Variants in ASAP1 observed in about 807,000 individuals in gnomAD.
ASAP1 encodes arf-GAP with SH3 domain, ANK repeat and PH domain-containing protein 1.
A neutral mutation model predicts 145.2 loss-of-function variants in ASAP1; 43 were observed. The observed-to-expected ratio is 0.30, with a 90% CI of 0.23 to 0.38. The LOEUF is 0.38. Among genes scored for constraint, ASAP1 ranks in the 10% least tolerant of loss-of-function variants. The pLI is 1.00. For missense variants in ASAP1, 1,018 were observed against 1,355.3 expected, an observed-to-expected ratio of 0.75 and a Z score of 3.91; for synonymous variants, 546 against 515.5, an observed-to-expected ratio of 1.06 and a Z score of -0.80.
intron 3 of ASAP1, among the ~76,000 whole-genome samples, chr8:130,263,569 T>G (rs945601660): frequency 1.3e-5 from 2 of 152,170 alleles, no homozygotes; most frequent in Non-Finnish European, 2.9e-5. Flanking sequence ...TTTGAGTAAG[T>G]TTAAATGAGC....
At position 130,063,426 on chromosome 8, in the gene ASAP1, C is replaced by T. The variant is rs564887438; in HGVS notation, c.2702-2357G>A. On this transcript the variant is annotated intron_variant, in intron 27 of 29. Coordinates refer to ENST00000518721, the MANE Select transcript of ASAP1 (RefSeq NM_018482.4). ...TAGACCCTGTTCCACATCCTCTCTC[C>T]GCACTCCTGGCTTTGGTGTGACAAT... is the stretch of plus-strand genomic sequence containing the variant. Among the ~76,000 whole-genome samples, 190 of 152,308 alleles carry T rather than the reference C, an allele frequency of 1.2e-3. 1 individual carries two copies. The highest frequency in any genetic ancestry group is 3.4e-3 in the Middle Eastern group (1 of 294).
chr8:130,282,641 T>A (rs771912467), intron 3 of ASAP1, among the ~76,000 whole-genome samples: 4 of 152,170 alleles, frequency 2.6e-5, no homozygotes, highest in Non-Finnish European at 4.4e-5. Context: ...AGCCACAATA[T>A]CAAAACCAAT....
At chr8:130,300,058 C>T (rs1290515140) in intron 3 of ASAP1, among the ~76,000 whole-genome samples, 3 of 146,826 alleles carry the variant, frequency 2.0e-5, no homozygotes, top group Non-Finnish European at 3.0e-5. Context: ...AGACGAAAAA[C>T]AAACAAGCTA....
chr8:130,145,148 TAG>T (rs1328156920), intron 13 of ASAP1, among the ~76,000 whole-genome samples: 4 of 152,204 alleles, frequency 2.6e-5, no homozygotes, highest in Admixed American at 6.5e-5. Flanking sequence ...TGATAGTATA[TAG>T]AGTTTGGGCC....
At chr8:130,279,084 T>A (rs1006041202) in intron 3 of ASAP1, among the ~76,000 whole-genome samples, 6 of 152,158 alleles carry the variant, frequency 3.9e-5, no homozygotes, top group Admixed American at 2.6e-4. Flanking sequence ...GAACAAATCC[T>A]GGTCCCTCTG....
intron 3 of ASAP1, among the ~76,000 whole-genome samples, chr8:130,322,798 G>A (rs1244303921): frequency 6.6e-6 from 1 of 152,158 alleles, no homozygotes; most frequent in Non-Finnish European, 1.5e-5. Context: ...ACTAACAAAG[G>A]GCAGAATGTG....
intron 3 of ASAP1, among the ~76,000 whole-genome samples, chr8:130,252,701 C>T (rs1441522565): frequency 1.3e-5 from 2 of 152,152 alleles, no homozygotes; most frequent in Non-Finnish European, 2.9e-5. Context: ...GGAGTTAGCA[C>T]ACCCACCCAC....
chr8:130,249,476 C>A (rs146912477), intron 3 of ASAP1, among the ~76,000 whole-genome samples: 13 of 152,260 alleles, frequency 8.5e-5, no homozygotes, highest in African/African-American at 2.9e-4. Flanking sequence ...AACAATACTT[C>A]TGCCTCTCAC....
At chr8:130,251,144 G>A (rs1426713387) in intron 3 of ASAP1, among the ~76,000 whole-genome samples, 1 of 152,194 alleles carries the variant, frequency 6.6e-6, no homozygotes, top group Non-Finnish European at 1.5e-5. Context: ...TGGGCCAGGC[G>A]TGATGGCTCA....
intron 3 of ASAP1, among the ~76,000 whole-genome samples, chr8:130,285,432 T>A (rs1459302050): frequency 6.6e-6 from 1 of 152,126 alleles, no homozygotes; most frequent in Non-Finnish European, 1.5e-5. Flanking sequence ...AACAAAATGA[T>A]CTTATCACTA....
chr8:130,236,801 T>C (rs1308467071), intron 4 of ASAP1, 121 bp downstream of exon 4: 1 of 666,468 alleles, frequency 1.5e-6, no homozygotes, highest in African/African-American at 1.8e-5. Context: ...AAATTTCTTT[T>C]ACCTACTTAC....
chr8:130,343,144 C>A (rs962900800), intron 3 of ASAP1, among the ~76,000 whole-genome samples: 1 of 152,304 alleles, frequency 6.6e-6, no homozygotes, highest in Middle Eastern at 3.4e-3. Flanking sequence ...AACCATTTCC[C>A]CTTTTCATAG....
At position 130,054,665 on chromosome 8, in the gene ASAP1, C is replaced by T; in HGVS notation, c.*66G>A. ...AACAGCAGCTATATACACACTGTGCCCAGGGTTACATGAAGGCAGCAGTCT... is the reference window on the plus strand; with the variant it reads ...AACAGCAGCTATATACACACTGTGCTCAGGGTTACATGAAGGCAGCAGTCT... On this transcript the variant is annotated 3_prime_UTR_variant, in exon 30 of 30. Transcript: ENST00000518721. 2 of 1,414,148 alleles carry T rather than the reference C, an allele frequency of 1.4e-6. No homozygotes were observed. Among genetic ancestry groups the T allele is most frequent in the South Asian group, 2.3e-5 (2 of 86,700 alleles). 87.6% of individuals were successfully genotyped at this position (1,414,148 alleles called of 1,614,324 possible).
intron 2 of ASAP1, among the ~76,000 whole-genome samples, chr8:130,365,837 TA>T (rs955275048): frequency 2.6e-5 from 4 of 152,084 alleles, no homozygotes; most frequent in African/African-American, 9.7e-5. Flanking sequence ...CAAACATTTA[TA>T]GGGGGAAGGG....
chr8:130,443,422 C>T (rs1265904867), intron 1 of ASAP1, 38 bp downstream of exon 1: 1 of 151,142 alleles, frequency 6.6e-6, no homozygotes, highest in African/African-American at 2.4e-5. Context: ...CGACTCCGCC[C>T]GGCCCCGCCG....
At chr8:130,254,844 C>G (rs146083074) in intron 3 of ASAP1, among the ~76,000 whole-genome samples, 7 of 151,864 alleles carry the variant, frequency 4.6e-5, no homozygotes, top group East Asian at 3.9e-4. Flanking sequence ...GTAGCAACAA[C>G]CAATCTAACA....
At chr8:130,170,749 C>T (rs1026946225) in intron 9 of ASAP1, among the ~76,000 whole-genome samples, 13 of 152,026 alleles carry the variant, frequency 8.6e-5, no homozygotes, top group East Asian at 1.9e-4. Context: ...CTCTCTCTCT[C>T]GGCAGGGTCT....
At chr8:130,428,594 T>C (rs1336361635) in intron 1 of ASAP1, among the ~76,000 whole-genome samples, 4 of 137,410 alleles carry the variant, frequency 2.9e-5, no homozygotes, top group African/African-American at 1.1e-4. Context: ...AACTCCATCA[T>C]CACCACTATC....
chr8:130,441,111 C>G (rs1371378558), intron 1 of ASAP1, among the ~76,000 whole-genome samples: 2 of 152,194 alleles, frequency 1.3e-5, no homozygotes, highest in Admixed American at 1.3e-4. Context: ...AAGTGTGAGG[C>G]TGACATTGAA....
Sources: allele counts gnomAD v4.1 joint callset (sites outside exome capture counted in the v4.1 genomes callset), GRCh38; gene constraint gnomAD v4.1.1; transcripts MANE v1.5; gene names NCBI Gene and HGNC (gene_info 2026-07-23, HGNC 2026-07-21).